The following RYR2 variants were observed in gnomAD, a reference collection of about 807,000 sequenced individuals.
The protein encoded by RYR2 is ryanodine receptor 2.
Under a neutral mutation model 601.1 loss-of-function variants are expected in RYR2, and 227 were observed. The observed-to-expected ratio is 0.38, with a 90% CI of 0.34 to 0.42. The LOEUF is 0.42. Among genes scored for constraint, RYR2 ranks in the 10% least tolerant of loss-of-function variants. The pLI is 1.00. For missense variants in RYR2, 4,646 were observed against 6,156.5 expected, an observed-to-expected ratio of 0.75 and a Z score of 8.21; for synonymous variants, 2,223 against 2,175.1, an observed-to-expected ratio of 1.02 and a Z score of -0.61.
chr1:237,101,526 AACAC>A (rs1006064852), intron 1 of RYR2, among the ~76,000 whole-genome samples: 4 of 152,104 alleles, frequency 2.6e-5, no homozygotes, highest in African/African-American at 7.2e-5. Context: ...ATCAAAAGCA[AACAC>A]ACACACACTC....
chr1:237,757,829 T>C (rs898158822), intron 82 of RYR2, 53 bp downstream of exon 82: 4 of 1,098,000 alleles, frequency 3.6e-6, no homozygotes, highest in East Asian at 2.4e-5. Context: ...ATGGACCATA[T>C]AGTAAAGAAC....
chr1:237,226,334 A>T (rs1360008864), intron 1 of RYR2, among the ~76,000 whole-genome samples: 1 of 152,162 alleles, frequency 6.6e-6, no homozygotes, highest in Non-Finnish European at 1.5e-5. Context: ...TTTCCTTTCC[A>T]TGTCTTTGAA....
intron 25 of RYR2, among the ~76,000 whole-genome samples, chr1:237,547,643 G>A (rs958270857): frequency 1.3e-5 from 2 of 152,240 alleles, no homozygotes; most frequent in Non-Finnish European, 2.9e-5. Context: ...AGAATGAAGC[G>A]CTGTGTGTCT....
chr1:237,638,511 A>C lies in RYR2; in HGVS notation c.6928+19A>C. On this transcript the variant is annotated intron_variant, in intron 45 of 104. Transcript: ENST00000366574. ...TGTAATGGTAGGACTTGATTTCTTG[A>C]GGTCTTTTGAGTTATCATTAAAACT... 1 of 1,612,522 alleles carries C rather than the reference A, an allele frequency of 6.2e-7. No homozygotes were observed. The highest frequency in any genetic ancestry group is 8.5e-7 in the Non-Finnish European group (1 of 1,178,840).
chr1:237,749,717 C>T (rs970561546), intron 80 of RYR2, among the ~76,000 whole-genome samples: 8 of 152,230 alleles, frequency 5.3e-5, no homozygotes, highest in South Asian at 2.1e-4. Flanking sequence ...AGGGCAATTT[C>T]GCAGTTTCTC....
intron 12 of RYR2, among the ~76,000 whole-genome samples, chr1:237,430,565 CAGAG>C (rs111851463): frequency 3.3e-5 from 5 of 151,978 alleles, no homozygotes; most frequent in African/African-American, 4.8e-5. Flanking sequence ...AATATGAAGA[CAGAG>C]AGAAATTTTT....
chr1:237,571,300 T>C (rs1202694453), intron 29 of RYR2, among the ~76,000 whole-genome samples: 1 of 137,244 alleles, frequency 7.3e-6, no homozygotes, highest in Non-Finnish European at 1.5e-5. Flanking sequence ...CCAGTATTTC[T>C]TTTTCTTTTC....
At chr1:237,571,728 A>G (rs774706259) in intron 29 of RYR2, among the ~76,000 whole-genome samples, 1 of 152,236 alleles carries the variant, frequency 6.6e-6, no homozygotes, top group Non-Finnish European at 1.5e-5. Context: ...AGGTATGAAC[A>G]TCATTTCCCT....
chr1:237,447,010 A>G (rs1657433224), intron 14 of RYR2, among the ~76,000 whole-genome samples: 1 of 152,192 alleles, frequency 6.6e-6, no homozygotes, highest in Non-Finnish European at 1.5e-5. Context: ...TCTTTACTAG[A>G]GCTGATCAAT....
chr1:237,594,429 A>G (rs1034634426), intron 33 of RYR2, among the ~76,000 whole-genome samples: 19 of 152,146 alleles, frequency 1.2e-4, no homozygotes, highest in African/African-American at 4.3e-4. Context: ...AGCATTTTCA[A>G]TGGGAGCCCA....
intron 100 of RYR2, 30 bp downstream of exon 100, chr1:237,809,065 A>G: frequency 6.3e-7 from 1 of 1,596,166 alleles, no homozygotes; most frequent in Non-Finnish European, 8.6e-7. Flanking sequence ...TCTCACATAA[A>G]CAAAAATGTC....
At chr1:237,487,270 A>G (rs1414267359) in intron 17 of RYR2, among the ~76,000 whole-genome samples, 3 of 152,192 alleles carry the variant, frequency 2.0e-5, no homozygotes, top group East Asian at 1.9e-4. Context: ...TTCAAAGCAT[A>G]TATCAGCATA....
At position 237,423,226 on chromosome 1, in the gene RYR2, C is replaced by T; in HGVS notation, c.983C>T (p.Ala328Val). The T allele has an allele frequency of 1.2e-6, 2 of 1,613,446 alleles. No individual in the cohort carries two copies. Among genetic ancestry groups the T allele is most frequent in the Non-Finnish European group, 1.7e-6 (2 of 1,179,692 alleles). The change falls in exon 12 of 105, where the codon GCA becomes GTA. Residue 328 changes from alanine to valine, a missense_variant. Around this residue, in one of 17 missense-constraint regions of RYR2, gnomAD observed 1,807 missense variants for 2,088.1 expected, o/e 0.87. Coordinates refer to ENST00000366574, the MANE Select transcript of RYR2 (RefSeq NM_001035.3). ...DKEKADVKST[A>V]FTFRSSKEKL... ...GAGAAAGCTGATGTAAAATCAACAG[C>T]ATTTACCTTCCGGTCTTCCAAGGTG... is the stretch of plus-strand genomic sequence containing the variant.
intron 53 of RYR2, 111 bp from the exon 54 acceptor site, chr1:237,657,833 C>T (rs1683402991): frequency 1.8e-6 from 1 of 566,630 alleles, no homozygotes; most frequent in Non-Finnish European, 3.1e-6. Context: ...TCGTGTTTAA[C>T]AGTTAAAATT....
At chr1:237,178,081 T>G (rs1267176673) in intron 1 of RYR2, among the ~76,000 whole-genome samples, 3 of 152,216 alleles carry the variant, frequency 2.0e-5, no homozygotes, top group African/African-American at 7.2e-5. Flanking sequence ...ATGTAATGGA[T>G]GTAAAATAAA....
At chr1:237,310,925 A>T (rs1000750279) in intron 2 of RYR2, among the ~76,000 whole-genome samples, 1 of 152,182 alleles carries the variant, frequency 6.6e-6, no homozygotes, top group African/African-American at 2.4e-5. Flanking sequence ...TGTTAGTAGA[A>T]GTTTCACAGT....
chr1:237,631,751 C>T (rs1326457071), intron 42 of RYR2, among the ~76,000 whole-genome samples: 1 of 150,960 alleles, frequency 6.6e-6, no homozygotes, highest in Admixed American at 6.6e-5. Flanking sequence ...CCTCAGCCTC[C>T]CGAGGAGCTG....
chr1:237,469,236 C>A, intron 17 of RYR2, 49 bp downstream of exon 17: 7 of 361,826 alleles, frequency 1.9e-5, no homozygotes, highest in South Asian at 4.0e-5. Context: ...TCCTATTTTT[C>A]TTTGCTTCGT....
intron 68 of RYR2, 47 bp downstream of exon 68, chr1:237,707,316 C>A: frequency 2.9e-6 from 3 of 1,023,456 alleles, no homozygotes; most frequent in Non-Finnish European, 4.0e-6. Flanking sequence ...TGTTTTATTT[C>A]CAAAAGAATT....
Sources: gnomAD v4.1 joint callset for allele counts (sites outside exome capture counted in the v4.1 genomes callset) on GRCh38, gnomAD v4.1.1 for gene constraint, gnomAD v4.1.1 regional missense constraint, MANE v1.5 for transcripts, NCBI Gene and HGNC (gene_info 2026-07-23, HGNC 2026-07-21) for gene names.